GRID2: variants seen among roughly 807,000 people sequenced by gnomAD.
The protein encoded by GRID2 is glutamate ionotropic receptor delta type subunit 2, also known as glutamate receptor ionotropic, delta-2.
In GRID2, 33 loss-of-function variants were observed where a neutral mutation model predicts 114.8. The ratio of observed to expected loss-of-function variants is 0.29; its 90% CI spans 0.22 to 0.38. The LOEUF (loss-of-function observed/expected upper bound fraction) is 0.38, where lower values mean the gene tolerates loss of function less well. GRID2 is among the 10% of genes least tolerant of loss of function. The pLI, the probability that GRID2 is intolerant of heterozygous loss-of-function variation, is 1.00. For synonymous variants in GRID2, 505 were observed against 449.9 expected, an observed-to-expected ratio of 1.12 and a Z score of -1.55; for missense variants, 1,184 against 1,257.7, an observed-to-expected ratio of 0.94 and a Z score of 0.89.
chr4:93,559,728 G>A (rs961379903), intron 13 of GRID2, among the ~76,000 whole-genome samples: 1 of 151,974 alleles, frequency 6.6e-6, no homozygotes, highest in Non-Finnish European at 1.5e-5. Context: ...CCCATTACTG[G>A]GTATATACCC....
chr4:92,549,163 A>G (rs977217416), intron 1 of GRID2, among the ~76,000 whole-genome samples: 1 of 151,904 alleles, frequency 6.6e-6, no homozygotes, highest in African/African-American at 2.4e-5. Flanking sequence ...AGTAATCTCA[A>G]ATAGATGAGC....
chr4:93,471,776 C>T (rs1724850794), intron 11 of GRID2, among the ~76,000 whole-genome samples: 2 of 128,958 alleles, frequency 1.6e-5, no homozygotes, highest in Non-Finnish European at 1.6e-5. Flanking sequence ...TCTCGGCTCA[C>T]TGCAACCTCC....
chr4:93,670,374 C>T (rs772665124), intron 14 of GRID2, among the ~76,000 whole-genome samples: 1 of 151,996 alleles, frequency 6.6e-6, no homozygotes, highest in East Asian at 1.9e-4. Context: ...GAGAAAGAAG[C>T]AAAAGTCATA....
chr4:92,408,310 T>C (rs1731122236), intron 1 of GRID2, among the ~76,000 whole-genome samples: 1 of 152,112 alleles, frequency 6.6e-6, no homozygotes, highest in Non-Finnish European at 1.5e-5. Context: ...GATGTGTCTG[T>C]TTTTATACCA....
At chr4:93,481,136 TC>T (rs1358544387) in intron 11 of GRID2, among the ~76,000 whole-genome samples, 3 of 152,082 alleles carry the variant, frequency 2.0e-5, no homozygotes, top group Non-Finnish European at 4.4e-5. Flanking sequence ...GCTTTATACT[TC>T]TTTGACTCAA....
chr4:93,521,736 C>T (rs982535985), intron 13 of GRID2, among the ~76,000 whole-genome samples: 4 of 151,938 alleles, frequency 2.6e-5, no homozygotes, highest in Non-Finnish European at 4.4e-5. Flanking sequence ...TACAAATAAT[C>T]GAATCACCAA....
At chr4:92,625,781 G>T (rs1040327547) in intron 2 of GRID2, among the ~76,000 whole-genome samples, 1 of 151,814 alleles carries the variant, frequency 6.6e-6, no homozygotes, top group Non-Finnish European at 1.5e-5. Flanking sequence ...GTAAAATTGC[G>T]ACTGTTTCTC....
At chr4:93,630,182 TAA>T (rs1302238947) in intron 14 of GRID2, among the ~76,000 whole-genome samples, 1 of 152,310 alleles carries the variant, frequency 6.6e-6, no homozygotes, top group African/African-American at 2.4e-5. Context: ...CAGCAGAAGT[TAA>T]AGTCAGTCTT....
At chr4:92,628,637 C>A (rs1421384791) in intron 2 of GRID2, among the ~76,000 whole-genome samples, 1 of 152,122 alleles carries the variant, frequency 6.6e-6, no homozygotes, top group Non-Finnish European at 1.5e-5. Context: ...GGATTACAGG[C>A]GTGAGCCATA....
rs557736720 is a variant in GRID2, at chr4:93,680,172, A to C, written c.2360+53737A>C. On this transcript the variant is annotated intron_variant, in intron 14 of 15. Transcript: ENST00000282020. The stretch of plus-strand genomic sequence containing the variant: ...CACCTCTACACGAATAAACTAGAAA[A>C]TCTAGAAGAAATGGATAAATTCCTT... 3.9e-3 allele frequency among the ~76,000 whole-genome samples: 599 copies of C among 152,216 alleles called. 9 individuals are homozygous for C. Among genetic ancestry groups the C allele is most frequent in the African/African-American group, 0.014 (576 of 41,470 alleles).
At chr4:93,111,726 A>G (rs1355081128) in intron 4 of GRID2, among the ~76,000 whole-genome samples, 1 of 148,404 alleles carries the variant, frequency 6.7e-6, no homozygotes, top group African/African-American at 2.5e-5. Context: ...TTTAAATTTG[A>G]GGACGGGAAT....
rs568562588 is a variant in GRID2, at chr4:92,485,852, T to A, written c.89-104279T>A. On this transcript the variant is annotated intron_variant, in intron 1 of 15. Transcript: ENST00000282020. ...TGTCTGACATAAAATTTTACATAAA[T>A]TTTACGTGGAATTTTACATAAATAG... Among the ~76,000 whole-genome samples, 62 of 152,248 alleles carry A rather than the reference T, an allele frequency of 4.1e-4. No individual in the cohort carries two copies. In the South Asian group the frequency reaches 6.6e-3, roughly 16 times the overall value.
rs1032538170 is a variant in GRID2, at chr4:92,460,053, T to TATATATATATATATATATATATAC, written c.89-130077_89-130076insTATATATATATATATATATATACA. Among the ~76,000 whole-genome samples the TATATATATATATATATATATATAC allele has an allele frequency of 3.3e-3, 333 of 99,570 alleles. 6 individuals are homozygous for TATATATATATATATATATATATAC. The highest frequency in any genetic ancestry group is 4.8e-3 in the Non-Finnish European group (240 of 49,788). 65.3% of individuals were successfully genotyped at this position (99,570 alleles called of 152,430 possible). On this transcript the variant is annotated intron_variant, in intron 1 of 15. Coordinates refer to ENST00000282020, the MANE Select transcript of GRID2 (RefSeq NM_001510.4). ...CTCACTATATATATATATATATATA[T>TATATATATATATATATATATATAC]ACACACACAACTTTTTGGTTCTGTT...
chr4:92,832,736 G>A (rs184881983), intron 2 of GRID2, among the ~76,000 whole-genome samples: 247 of 152,090 alleles, frequency 1.6e-3, no homozygotes, highest in African/African-American at 5.6e-3. Context: ...GCAGTGAGCC[G>A]AGATCATGCC....
intron 13 of GRID2, among the ~76,000 whole-genome samples, chr4:93,566,720 A>C (rs1383674509): frequency 5.3e-5 from 8 of 152,090 alleles, no homozygotes; most frequent in Admixed American, 5.2e-4. Flanking sequence ...CAGTGAGCCA[A>C]GCTTGCCCCT....
intron 4 of GRID2, among the ~76,000 whole-genome samples, chr4:93,131,906 G>T (rs1734840055): frequency 6.6e-6 from 1 of 152,088 alleles, no homozygotes; most frequent in African/African-American, 2.4e-5. Flanking sequence ...TCTGTTAGTT[G>T]CTTAAACCGG....
intron 1 of GRID2, among the ~76,000 whole-genome samples, chr4:92,413,175 C>T (rs1731423191): frequency 6.6e-6 from 1 of 152,146 alleles, no homozygotes; most frequent in African/African-American, 2.4e-5. Context: ...AATTTTTCAT[C>T]CCTCATCCCC....
At chr4:93,645,202 G>T (rs761350073) in intron 14 of GRID2, among the ~76,000 whole-genome samples, 1 of 152,138 alleles carries the variant, frequency 6.6e-6, no homozygotes, top group Admixed American at 6.6e-5. Flanking sequence ...AACGGAAAGA[G>T]GGGAGCAAAA....
intron 2 of GRID2, among the ~76,000 whole-genome samples, chr4:92,834,984 G>A (rs1241888037): frequency 6.6e-6 from 1 of 152,054 alleles, no homozygotes; most frequent in African/African-American, 2.4e-5. Context: ...CAGTTAGCAT[G>A]GGTTGAATAC....
Sources: allele counts gnomAD v4.1 joint callset (sites outside exome capture counted in the v4.1 genomes callset), GRCh38; gene constraint gnomAD v4.1.1; transcripts MANE v1.5; gene names NCBI Gene and HGNC (gene_info 2026-07-23, HGNC 2026-07-21).